The following FZR1 variants were observed in gnomAD, a reference collection of about 807,000 sequenced individuals.
FZR1 encodes the protein fizzy-related protein homolog.
FZR1 carries 11 observed loss-of-function variants against 63.6 expected under a neutral mutation model. That is an observed-to-expected ratio of 0.17 (90% CI 0.11 to 0.29). The LOEUF (loss-of-function observed/expected upper bound fraction) is 0.29. Among genes scored for constraint, FZR1 ranks in the 10% least tolerant of loss-of-function variants. FZR1 has a pLI of 1.00. For synonymous variants in FZR1, 328 were observed against 297.9 expected, an observed-to-expected ratio of 1.10 and a Z score of -1.04; for missense variants, 440 against 687.5, an observed-to-expected ratio of 0.64 and a Z score of 4.03.
intron 6 of FZR1, among the ~76,000 whole-genome samples, chr19:3,527,404 T>TG (rs1484859781): frequency 3.9e-5 from 6 of 151,950 alleles, no homozygotes; most frequent in Non-Finnish European, 7.4e-5. Context: ...GGAGGAGGTG[T>TG]GGGGAGCAGA....
At chr19:3,528,917 G>T (rs2083194191) in intron 7 of FZR1, among the ~76,000 whole-genome samples, 1 of 149,540 alleles carries the variant, frequency 6.7e-6, no homozygotes, top group African/African-American at 2.5e-5. Context: ...TGTTTGAGTG[G>T]ATGGGAGAGT....
intron 7 of FZR1, among the ~76,000 whole-genome samples, chr19:3,530,196 G>GGATGGGAGAGCA (rs1157559197): frequency 1.3e-4 from 17 of 126,398 alleles, no homozygotes; most frequent in African/African-American, 5.2e-4. Flanking sequence ...ATGGTTGAGC[G>GGATGGGAGAGCA]GATGGGAGAG....
At chr19:3,518,011 CTTT>C (rs1220242480) in intron 1 of FZR1, among the ~76,000 whole-genome samples, 2 of 109,486 alleles carry the variant, frequency 1.8e-5, no homozygotes, top group East Asian at 2.5e-4. Context: ...CTGTTTCTTT[CTTT>C]TTTTTTTTTT....
chr19:3,520,363 A>G (rs1326677357), intron 1 of FZR1, among the ~76,000 whole-genome samples: 3 of 152,082 alleles, frequency 2.0e-5, no homozygotes, highest in Non-Finnish European at 4.4e-5. Flanking sequence ...GCTGCTGGCC[A>G]TTGCTCTGTG....
intron 1 of FZR1, among the ~76,000 whole-genome samples, chr19:3,506,801 C>T (rs1306121354): frequency 6.6e-6 from 1 of 152,108 alleles, no homozygotes; most frequent in East Asian, 1.9e-4. Context: ...ATAGGCTGAG[C>T]CCTGCACCCC....
At chr19:3,521,058 G>A (rs2083097158) in intron 1 of FZR1, among the ~76,000 whole-genome samples, 1 of 152,244 alleles carries the variant, frequency 6.6e-6, no homozygotes, top group African/African-American at 2.4e-5. Flanking sequence ...TTTCATGGCT[G>A]GGTCGTGTTC....
chr19:3,521,087 G>A (rs955867295), intron 1 of FZR1, among the ~76,000 whole-genome samples: 3 of 152,212 alleles, frequency 2.0e-5, no homozygotes, highest in Non-Finnish European at 2.9e-5. Flanking sequence ...GGAGGGCCGC[G>A]CTGGTTCGTC....
rs2083161642 is a variant in FZR1, at chr19:3,526,687, C to T, written c.388-293C>T. On this transcript the variant is annotated intron_variant, in intron 5 of 13. Transcript: ENST00000441788. This position sits in a 1 kb window ranked among gnomAD's most constrained non-coding sequence, Gnocchi z 5.4. Reference sequence around the variant, plus strand: ...AACACCCAAGCCGGTGGGGGTCCTGCCCGTAGGGGGCAGTACTGGGTCCTC... The same window carrying T: ...AACACCCAAGCCGGTGGGGGTCCTGTCCGTAGGGGGCAGTACTGGGTCCTC... Among the ~76,000 whole-genome samples, 1 of 152,194 alleles carries T rather than the reference C, an allele frequency of 6.6e-6. No individual in the cohort carries two copies. The highest frequency in any genetic ancestry group is 6.5e-5 in the Admixed American group (1 of 15,286).
Position 3,533,150 on chromosome 19 carries a change from C to T in FZR1, c.1243-144C>T, listed in dbSNP as rs1266266638. Reference sequence around the variant, plus strand: ...CCTAGACAGACTCAGGTGGCAGAGCCACATCCCAGCATCCCCTGCTCCTCC... The same window carrying T: ...CCTAGACAGACTCAGGTGGCAGAGCTACATCCCAGCATCCCCTGCTCCTCC... On this transcript the variant is annotated intron_variant, in intron 11 of 13. Transcript: ENST00000441788. The surrounding 1 kb of genome is among the most constrained non-coding windows in gnomAD (Gnocchi z 4.9). 66 of 652,880 alleles carry T rather than the reference C, an allele frequency of 1.0e-4. No individual in the cohort carries two copies. The Admixed American group carries it at 1.5e-3, about 15-fold the overall frequency. 40.4% of individuals were successfully genotyped at this position (652,880 alleles called of 1,614,324 possible). A position where few individuals can be genotyped will look rare whatever the true frequency, so the allele number is the denominator to read the frequency against.
intron 2 of FZR1, among the ~76,000 whole-genome samples, chr19:3,523,540 A>G (rs1191491994): frequency 6.6e-6 from 1 of 152,190 alleles, no homozygotes; most frequent in African/African-American, 2.4e-5. Flanking sequence ...TGACAGCCAC[A>G]TCCCTCACCT....
intron 1 of FZR1, among the ~76,000 whole-genome samples, chr19:3,513,157 T>C (rs1196040055): frequency 6.6e-6 from 1 of 151,790 alleles, no homozygotes; most frequent in East Asian, 1.9e-4. Flanking sequence ...TTGCAGGGGT[T>C]GGGACCTGTG....
chr19:3,508,100 G>A (rs1382049199), intron 1 of FZR1, among the ~76,000 whole-genome samples: 1 of 151,864 alleles, frequency 6.6e-6, no homozygotes, highest in East Asian at 1.9e-4. Flanking sequence ...TGCAGGCAGT[G>A]GTGGGGGTAG....
intron 1 of FZR1, among the ~76,000 whole-genome samples, chr19:3,512,929 G>A (rs111327940): frequency 0.021 from 3,227 of 152,284 alleles, 66 homozygotes; most frequent in South Asian, 0.039. Flanking sequence ...AGCAGACAGC[G>A]GATAGCTGGG....
intron 1 of FZR1, among the ~76,000 whole-genome samples, chr19:3,519,506 C>G (rs954053267): frequency 6.6e-6 from 1 of 152,186 alleles, no homozygotes; most frequent in Admixed American, 6.5e-5. Flanking sequence ...GGCTCTGGGA[C>G]TCTTGGAGTC....
At position 3,535,129 on chromosome 19, in the gene FZR1, G is replaced by C; in HGVS notation, c.*293G>C. 2.1e-6 allele frequency: 1 copy of C among 480,282 alleles called. No individual in the cohort carries two copies. The allele number at this position is 480,282 out of a possible 1,614,324, so 29.8% of individuals were successfully genotyped here. Reference sequence around the variant, plus strand: ...TCCCGGCTCAGACCGTCTGTACTCAGAGCGACGGATGCCCCCTGGGACCCT... The same window carrying C: ...TCCCGGCTCAGACCGTCTGTACTCACAGCGACGGATGCCCCCTGGGACCCT... On this transcript the variant is annotated 3_prime_UTR_variant, in exon 14 of 14. Transcript: ENST00000441788.
chr19:3,508,481 G>A (rs1222520001), intron 1 of FZR1, among the ~76,000 whole-genome samples: 3 of 152,170 alleles, frequency 2.0e-5, no homozygotes, highest in Admixed American at 2.0e-4. Flanking sequence ...ACAGGCGTGC[G>A]CCACCGCGCT....
At chr19:3,523,383 C>T (rs767223175) in intron 2 of FZR1, among the ~76,000 whole-genome samples, 3 of 152,210 alleles carry the variant, frequency 2.0e-5, no homozygotes, top group Non-Finnish European at 4.4e-5. Context: ...GCCCCAGGCA[C>T]ATCTGGAACC....
chr19:3,521,662 C>T (rs1314325083), intron 1 of FZR1, among the ~76,000 whole-genome samples: 4 of 151,946 alleles, frequency 2.6e-5, no homozygotes, highest in Non-Finnish European at 5.9e-5. Context: ...CCATCACACC[C>T]AGCTAATTTT....
chr19:3,534,376 C>T (rs750071174), intron 12 of FZR1, 45 bp from the exon 13 acceptor site: 3 of 1,092,946 alleles, frequency 2.7e-6, no homozygotes, highest in East Asian at 2.5e-5. Flanking sequence ...TGTCCCGAGG[C>T]ACCTAGAGGC....
Sources: allele counts gnomAD v4.1 joint callset (sites outside exome capture counted in the v4.1 genomes callset), GRCh38; gene constraint gnomAD v4.1.1; non-coding constraint Gnocchi (gnomAD v3.1); transcripts MANE v1.5; gene names NCBI Gene and HGNC (gene_info 2026-07-23, HGNC 2026-07-21).